DPY19L2: variants seen among roughly 807,000 people sequenced by gnomAD.
The protein encoded by DPY19L2 is probable C-mannosyltransferase DPY19L2.
In DPY19L2, 34 loss-of-function variants were observed where a neutral mutation model predicts 97.9. The ratio of observed to expected loss-of-function variants is 0.35; its 90% confidence interval spans 0.26 to 0.46. The LOEUF is 0.46. Ranked by LOEUF, DPY19L2 falls within the 20% of genes least tolerant of loss-of-function variation. The pLI is 1.00. For missense variants in DPY19L2, 623 were observed against 911.4 expected, an observed-to-expected ratio of 0.68 and a Z score of 4.07; for synonymous variants, 230 against 307.9, an observed-to-expected ratio of 0.75 and a Z score of 2.65.
chr12:63,626,042 A>G (rs1889484299), intron 7 of DPY19L2, among the ~76,000 whole-genome samples: 1 of 149,874 alleles, frequency 6.7e-6, no homozygotes, highest in Non-Finnish European at 1.5e-5. Flanking sequence ...ACAGATATAG[A>G]ATGGGAAATC....
At chr12:63,567,794 TG>T (rs1399044494) in intron 21 of DPY19L2, among the ~76,000 whole-genome samples, 1 of 152,086 alleles carries the variant, frequency 6.6e-6, no homozygotes, top group African/African-American at 2.4e-5. Context: ...AGAGAATTGT[TG>T]ATTTTTCTTC....
chr12:63,625,913 C>A (rs1315609101), intron 7 of DPY19L2, among the ~76,000 whole-genome samples: 3 of 146,726 alleles, frequency 2.0e-5, no homozygotes, highest in African/African-American at 5.1e-5. Flanking sequence ...ATTCTGACCA[C>A]AATAAAAAGT....
intron 16 of DPY19L2, among the ~76,000 whole-genome samples, chr12:63,588,975 A>T (rs894451547): frequency 9.2e-5 from 14 of 151,836 alleles, no homozygotes; most frequent in South Asian, 4.2e-4. Context: ...GGATGGCCTC[A>T]ATCTCCTGAC....
At chr12:63,585,818 T>A (rs1357852139) in intron 16 of DPY19L2, among the ~76,000 whole-genome samples, 2 of 152,064 alleles carry the variant, frequency 1.3e-5, no homozygotes, top group Admixed American at 1.3e-4. Context: ...AAACTCCAAT[T>A]ATTGTTTTCA....
Position 63,608,591 on chromosome 12 carries a change from C to G in DPY19L2, c.1278+25G>C, listed in dbSNP as rs1371545134. The G allele has an allele frequency of 2.0e-6, 3 of 1,498,704 alleles. No homozygotes were observed. The South Asian group carries it at 3.6e-5, about 18-fold the overall frequency. 92.8% of individuals were successfully genotyped at this position (1,498,704 alleles called of 1,614,324 possible). On this transcript the variant is annotated intron_variant, in intron 12 of 21. Coordinates refer to ENST00000324472, the MANE Select transcript of DPY19L2 (RefSeq NM_173812.5). ...AAATAAAAAGTAGAATTTAAATAAACTGCATTAAAAACATTGAATCTTACC... is the reference window on the plus strand; with the variant it reads ...AAATAAAAAGTAGAATTTAAATAAAGTGCATTAAAAACATTGAATCTTACC...
intron 4 of DPY19L2, among the ~76,000 whole-genome samples, chr12:63,656,112 T>A (rs1894937526): frequency 1.3e-5 from 2 of 152,158 alleles, no homozygotes; most frequent in Admixed American, 1.3e-4. Context: ...CTGTCTGGCT[T>A]TTGTTGTTGT....
intron 6 of DPY19L2, among the ~76,000 whole-genome samples, chr12:63,636,728 G>A (rs191151740): frequency 1.2e-4 from 19 of 152,248 alleles, no homozygotes; most frequent in South Asian, 2.1e-4. Context: ...TCAACAAGAA[G>A]AGCTAACTAT....
intron 6 of DPY19L2, among the ~76,000 whole-genome samples, chr12:63,631,610 G>T (rs553003384): frequency 2.4e-4 from 37 of 152,070 alleles, no homozygotes; most frequent in African/African-American, 8.2e-4. Context: ...ACCAGACAGA[G>T]TCACAGCCCA....
In DPY19L2 at chr12:63,627,691, G is replaced by A. The variant is rs537197529; in HGVS notation, c.804-1165C>T. ...ATTGCCTTTTTGTGATCATGTCTGT[G>A]TATGAGAATGCAGATGCTCAATCCC... On this transcript the variant is annotated intron_variant, in intron 6 of 21. Transcript: ENST00000324472. 1.4e-3 allele frequency among the ~76,000 whole-genome samples: 209 copies of A among 152,280 alleles called. 1 individual carries two copies. Among genetic ancestry groups the A allele is most frequent in the African/African-American group, 4.6e-3 (192 of 41,552 alleles).
At chr12:63,613,023 A>G (rs12304805) in intron 11 of DPY19L2, among the ~76,000 whole-genome samples, 26,744 of 151,988 alleles carry the variant, frequency 0.18, 3,782 homozygotes, top group African/African-American at 0.41. Flanking sequence ...AGTTAAAAAC[A>G]TTCCTACAAA....
chr12:63,563,382 C>A (rs1877014202), intron 21 of DPY19L2, among the ~76,000 whole-genome samples: 1 of 152,136 alleles, frequency 6.6e-6, no homozygotes, highest in South Asian at 2.1e-4. Flanking sequence ...ATATTTTCTT[C>A]CAGAAATTTT....
Position 63,590,681 on chromosome 12 carries a change from A to G in DPY19L2, c.1580+3406T>C, listed in dbSNP as rs149670994. Among the ~76,000 whole-genome samples the G allele has an allele frequency of 1.9e-3, 284 of 152,254 alleles. 4 individuals carry two copies. In the East Asian group the frequency reaches 0.031, roughly 17 times the overall value. On this transcript the variant is annotated intron_variant, in intron 16 of 21. Coordinates refer to ENST00000324472, the MANE Select transcript of DPY19L2 (RefSeq NM_173812.5). ...TATTTTTTTAAAATATTGTGTTTCT[A>G]TATGTATTTTCTAAAATAAAACATA...
At chr12:63,628,429 T>G (rs1889963709) in intron 6 of DPY19L2, among the ~76,000 whole-genome samples, 1 of 152,266 alleles carries the variant, frequency 6.6e-6, no homozygotes, top group South Asian at 2.1e-4. Flanking sequence ...ATCACACACC[T>G]GGCTCGGAGG....
At chr12:63,589,645 T>A (rs565745954) in intron 16 of DPY19L2, among the ~76,000 whole-genome samples, 3 of 151,614 alleles carry the variant, frequency 2.0e-5, no homozygotes, top group Non-Finnish European at 2.9e-5. Context: ...TGAAAAAAAA[T>A]TTTCATGTTT....
chr12:63,625,811 T>C (rs1172217014), intron 7 of DPY19L2, among the ~76,000 whole-genome samples: 1 of 152,110 alleles, frequency 6.6e-6, no homozygotes, highest in Admixed American at 6.6e-5. Flanking sequence ...TTAGGCAAGA[T>C]GAATAAGTTC....
At chr12:63,646,618 G>C (rs1356357003) in intron 5 of DPY19L2, among the ~76,000 whole-genome samples, 3 of 152,152 alleles carry the variant, frequency 2.0e-5, no homozygotes, top group Non-Finnish European at 4.4e-5. Context: ...CTCTGAATGA[G>C]AGTCTCAAGG....
intron 21 of DPY19L2, among the ~76,000 whole-genome samples, chr12:63,560,869 A>T (rs1288109752): frequency 6.6e-6 from 1 of 152,218 alleles, no homozygotes; most frequent in Non-Finnish European, 1.5e-5. Context: ...CATTTAACCA[A>T]GGGAAAGACA....
chr12:63,621,515 G>T (rs899330076), intron 8 of DPY19L2, among the ~76,000 whole-genome samples, 178 bp from the exon 9 acceptor site: 9 of 152,176 alleles, frequency 5.9e-5, no homozygotes, highest in African/African-American at 2.2e-4. Context: ...TTCATTCCTT[G>T]CATGAAGCAA....
intron 6 of DPY19L2, among the ~76,000 whole-genome samples, chr12:63,634,364 A>G (rs1003679363): frequency 2.0e-5 from 3 of 152,154 alleles, no homozygotes; most frequent in Non-Finnish European, 4.4e-5. Flanking sequence ...GCTCCAGTCT[A>G]CAGCTCCCAG....
Sources: allele counts gnomAD v4.1 joint callset (sites outside exome capture counted in the v4.1 genomes callset), GRCh38; gene constraint gnomAD v4.1.1; transcripts MANE v1.5; gene names NCBI Gene and HGNC (gene_info 2026-07-23, HGNC 2026-07-21).